HUNK: variants seen among roughly 807,000 people sequenced by gnomAD.
HUNK encodes hormonally up-regulated neu tumor-associated kinase.
In HUNK, 21 loss-of-function variants were observed where a neutral mutation model predicts 61.0. The ratio of observed to expected loss-of-function variants is 0.34; its 90% CI spans 0.24 to 0.50. HUNK has a LOEUF of 0.50. Ranked by LOEUF, HUNK falls within the 20% of genes least tolerant of loss-of-function variation. HUNK has a pLI of 0.98. For missense variants in HUNK, 772 were observed against 945.7 expected, an observed-to-expected ratio of 0.82 and a Z score of 2.41; for synonymous variants, 371 against 386.1, an observed-to-expected ratio of 0.96 and a Z score of 0.46.
chr21:31,958,380 C>T lies in HUNK; in HGVS notation c.747-463C>T, dbSNP rs572403600. Reference sequence around the variant, plus strand: ...ATGGCGTGATCTTGGCTCAGTGCAACCTCCGCCTCCTGGGTTCAAGTGATT... The same window carrying T: ...ATGGCGTGATCTTGGCTCAGTGCAATCTCCGCCTCCTGGGTTCAAGTGATT... On this transcript the variant is annotated intron_variant, in intron 4 of 10. Transcript: ENST00000270112. Among the ~76,000 whole-genome samples the T allele has an allele frequency of 2.0e-5, 3 of 152,116 alleles. No homozygotes were observed. In the East Asian group the frequency reaches 5.8e-4, roughly 29 times the overall value.
intron 5 of HUNK, among the ~76,000 whole-genome samples, chr21:31,961,251 T>C (rs531149784): frequency 2.6e-5 from 4 of 152,150 alleles, no homozygotes; most frequent in Admixed American, 2.6e-4. Flanking sequence ...TATTGGTGAG[T>C]AGTATCTCCT....
intron 1 of HUNK, among the ~76,000 whole-genome samples, chr21:31,882,640 T>C (rs1027425803): frequency 6.6e-6 from 1 of 152,210 alleles, no homozygotes; most frequent in Non-Finnish European, 1.5e-5. Context: ...GTCCATCACC[T>C]AAGTATTCAT....
intron 1 of HUNK, among the ~76,000 whole-genome samples, chr21:31,877,264 T>G (rs2052270541): frequency 6.6e-6 from 1 of 152,174 alleles, no homozygotes; most frequent in South Asian, 2.1e-4. Flanking sequence ...GTGTTTCGAC[T>G]TGGTTACACT....
intron 1 of HUNK, among the ~76,000 whole-genome samples, chr21:31,886,775 A>G (rs1259275864): frequency 1.3e-5 from 2 of 151,800 alleles, no homozygotes; most frequent in African/African-American, 4.8e-5. Flanking sequence ...CCTCTCGAGT[A>G]GCTGAGATTA....
chr21:31,968,197 G>T, intron 5 of HUNK, 53 bp from the exon 6 acceptor site: 2 of 1,609,494 alleles, frequency 1.2e-6, no homozygotes, highest in Non-Finnish European at 8.5e-7. Flanking sequence ...GCTTTCACTG[G>T]TGTCTGCGTT....
intron 4 of HUNK, among the ~76,000 whole-genome samples, chr21:31,949,618 T>C (rs1480206634): frequency 1.3e-5 from 2 of 152,090 alleles, no homozygotes; most frequent in South Asian, 2.1e-4. Flanking sequence ...CAAAAGGCTA[T>C]GGGAGCCTGA....
chr21:31,906,728 C>T (rs2052508158), intron 1 of HUNK, among the ~76,000 whole-genome samples: 1 of 152,064 alleles, frequency 6.6e-6, no homozygotes, highest in Non-Finnish European at 1.5e-5. Context: ...CTGCACCTGG[C>T]CCAGACTTTG....
chr21:31,886,196 C>G (rs776643925), intron 1 of HUNK, among the ~76,000 whole-genome samples: 4 of 152,030 alleles, frequency 2.6e-5, no homozygotes, highest in Non-Finnish European at 5.9e-5. Context: ...CTGAGGCAGG[C>G]AGATCACCTG....
intron 10 of HUNK, among the ~76,000 whole-genome samples, chr21:31,997,677 A>G (rs1431644701): frequency 2.6e-5 from 4 of 152,200 alleles, no homozygotes; most frequent in Non-Finnish European, 1.5e-5. Flanking sequence ...TTATTGCTGA[A>G]CTGTACACTT....
intron 1 of HUNK, among the ~76,000 whole-genome samples, chr21:31,877,157 A>T (rs1601354036): frequency 6.6e-6 from 1 of 152,138 alleles, no homozygotes; most frequent in South Asian, 2.1e-4. Context: ...GCATTCTCAA[A>T]CTGTGAGAAT....
intron 1 of HUNK, among the ~76,000 whole-genome samples, chr21:31,885,398 C>T (rs914810227): frequency 1.3e-5 from 2 of 152,208 alleles, no homozygotes; most frequent in Non-Finnish European, 2.9e-5. Context: ...CCTGTGGCCT[C>T]GGCCTGACGA....
At chr21:31,941,729 T>A (rs1484589257) in intron 3 of HUNK, among the ~76,000 whole-genome samples, 2 of 152,172 alleles carry the variant, frequency 1.3e-5, no homozygotes, top group Non-Finnish European at 2.9e-5. Flanking sequence ...TGGTCCTCAT[T>A]TCCGAGATCT....
rs779303279 is a variant in HUNK at position 31,958,966 on chromosome 21, C to A, written c.870C>A (p.Ser290=). ...KEMNPLPTQL[S]TGAISFLRSL... The stretch of plus-strand genomic sequence containing the variant: ...TGAACCCCCTCCCCACTCAGCTCTC[C>A]ACAGGTAATGCACCAGCTGCTCTAG... Residue 290 remains serine, a synonymous_variant, in exon 5 of 11, where the codon TCC becomes TCA. Transcript: ENST00000270112. The A allele has an allele frequency of 1.9e-6, 3 of 1,602,162 alleles. No individual in the cohort carries two copies. In the Admixed American group the frequency reaches 5.1e-5, roughly 27 times the overall value.
At chr21:31,985,099 T>A (rs2053123833) in intron 8 of HUNK, among the ~76,000 whole-genome samples, 1 of 152,160 alleles carries the variant, frequency 6.6e-6, no homozygotes, top group African/African-American at 2.4e-5. Context: ...CATGATTCAG[T>A]GATCTCCACC....
rs76045816 is a variant in HUNK at position 31,930,768 on chromosome 21, C to A, written c.554+6008C>A. Among the ~76,000 whole-genome samples, 1,127 of 152,200 alleles carry A rather than the reference C, an allele frequency of 7.4e-3. 14 individuals are homozygous for A. The highest frequency in any genetic ancestry group is 0.026 in the African/African-American group (1,081 of 41,510). The stretch of plus-strand genomic sequence containing the variant: ...AGCCAGTCCTATGTTCTGGAATAGT[C>A]CATATTCTCCCTGGAATTTCAAAGG... On this transcript the variant is annotated intron_variant, in intron 2 of 10. Transcript: ENST00000270112.
intron 1 of HUNK, among the ~76,000 whole-genome samples, chr21:31,885,500 A>G (rs1241469978): frequency 6.6e-6 from 1 of 152,178 alleles, no homozygotes; most frequent in Admixed American, 6.5e-5. Flanking sequence ...TAGAGCTGCC[A>G]TAAGACAGCA....
chr21:31,924,855 A>T lies in HUNK; in HGVS notation c.554+95A>T. 1 of 924,888 alleles carries T rather than the reference A, an allele frequency of 1.1e-6. No individual in the cohort carries two copies. Among genetic ancestry groups the T allele is most frequent in the Non-Finnish European group, 1.6e-6 (1 of 618,214 alleles). 57.3% of individuals were successfully genotyped at this position (924,888 alleles called of 1,614,324 possible). On this transcript the variant is annotated intron_variant, in intron 2 of 10. Transcript: ENST00000270112. This position sits in a 1 kb window ranked among gnomAD's most constrained non-coding sequence, Gnocchi z 5.1. ...CTGAGCCTCTGAGAAAGGCTGAGCA[A>T]TTGCAGCCTGTTTTACAATTTGTCT...
At chr21:31,883,253 C>G (rs2123788553) in intron 1 of HUNK, among the ~76,000 whole-genome samples, 1 of 152,274 alleles carries the variant, frequency 6.6e-6, no homozygotes, top group African/African-American at 2.4e-5. Flanking sequence ...CTTATAACCA[C>G]ACCCATCTGG....
rs71320222 is a variant in HUNK, at chr21:31,981,369, A to ATTT, written c.1174-2146_1174-2144dup. 9.2e-3 allele frequency among the ~76,000 whole-genome samples: 1,361 copies of ATTT among 147,244 alleles called. 7 individuals carry two copies. Among genetic ancestry groups the ATTT allele is most frequent in the African/African-American group, 0.016 (644 of 40,294 alleles). Reference sequence around the variant, plus strand: ...TTTGTGGTTCCATACAAATGTTAGGATTTTTTTTTTTTTCTGTTTCTGTGA... The same window carrying ATTT: ...TTTGTGGTTCCATACAAATGTTAGGATTTTTTTTTTTTTTTTCTGTTTCTGTGA... On this transcript the variant is annotated intron_variant, in intron 7 of 10. Transcript: ENST00000270112.
Sources: allele counts gnomAD v4.1 joint callset (sites outside exome capture counted in the v4.1 genomes callset), GRCh38; gene constraint gnomAD v4.1.1; non-coding constraint Gnocchi (gnomAD v3.1); transcripts MANE v1.5; gene names NCBI Gene and HGNC (gene_info 2026-07-23, HGNC 2026-07-21).